EEF1D: variants seen among roughly 807,000 people sequenced by gnomAD.
The protein encoded by EEF1D is elongation factor 1-delta.
EEF1D carries 47 observed loss-of-function variants against 63.9 expected under a neutral mutation model. The observed-to-expected ratio is 0.74, with a 90% confidence interval of 0.58 to 0.94. The LOEUF is 0.94. EEF1D is among the 40% of genes least tolerant of loss of function. EEF1D has a pLI of 0.00. For synonymous variants in EEF1D, 412 were observed against 386.1 expected, an observed-to-expected ratio of 1.07 and a Z score of -0.79; for missense variants, 907 against 899.0, an observed-to-expected ratio of 1.01 and a Z score of -0.11.
At chr8:143,587,837 G>A (rs928529225) in intron 3 of EEF1D, among the ~76,000 whole-genome samples, 11 of 152,242 alleles carry the variant, frequency 7.2e-5, no homozygotes, top group Non-Finnish European at 1.3e-4. Flanking sequence ...AGATGACTCT[G>A]TGGCCGGGGC....
chr8:143,597,334 G>T lies in EEF1D; in HGVS notation c.-15+14C>A, dbSNP rs1364389099. 6.6e-6 allele frequency: 1 copy of T among 152,188 alleles called. No homozygotes were observed. Among genetic ancestry groups the T allele is most frequent in the Admixed American group, 6.5e-5 (1 of 15,286 alleles). 9.4% of individuals were successfully genotyped at this position (152,188 alleles called of 1,614,324 possible). On this transcript the variant is annotated intron_variant, in intron 1 of 9. Coordinates refer to ENST00000618139, the MANE Select transcript of EEF1D (RefSeq NM_001130053.5). ...TCGCGCCCGACTCCTTCCGGCGGGGGCCGCGGTACTCACACGCCAGCCAAG... is the reference window on the plus strand; with the variant it reads ...TCGCGCCCGACTCCTTCCGGCGGGGTCCGCGGTACTCACACGCCAGCCAAG...
Position 143,589,736 on chromosome 8 carries a change from A to T in EEF1D, c.346T>A (p.Ser116Thr). The T allele has an allele frequency of 6.6e-7, 1 of 1,524,320 alleles. No individual in the cohort carries two copies. Among genetic ancestry groups the T allele is most frequent in the South Asian group, 1.3e-5 (1 of 77,402 alleles). The allele number at this position is 1,524,320 out of a possible 1,614,324, so 94.4% of individuals were successfully genotyped here. ...LSAERVWLDK[S>T]LFDQAESSYR... is the part of the protein sequence containing the mutation. Reference sequence around the variant, plus strand: ...GAGCTCTCTGCCTGGTCGAAAAGTGACTTGTCCAGCCACACGCGTTCGGCC... The same window carrying T: ...GAGCTCTCTGCCTGGTCGAAAAGTGTCTTGTCCAGCCACACGCGTTCGGCC... The change falls in exon 3 of 10, where the codon TCA (serine) becomes ACA (threonine). Residue 116 changes from serine (S) to threonine (T), a missense_variant. Ser to Thr is a moderately conservative substitution (Grantham distance 58, BLOSUM62 1). Coordinates refer to ENST00000618139, the MANE Select transcript of EEF1D (RefSeq NM_001130053.5).
intron 1 of EEF1D, among the ~76,000 whole-genome samples, chr8:143,595,769 CCT>C (rs1262856656): frequency 6.6e-6 from 1 of 152,228 alleles, no homozygotes; most frequent in Admixed American, 6.5e-5. Flanking sequence ...CGGCGCAGCC[CCT>C]GTGCCTCCTG....
intron 4 of EEF1D, 53 bp downstream of exon 4, chr8:143,586,676 G>T (rs549810093): frequency 6.3e-7 from 1 of 1,597,226 alleles, no homozygotes; most frequent in African/African-American, 1.3e-5. Context: ...GTGTGCCCCG[G>T]CCACTCCTGT....
In EEF1D at chr8:143,586,863, A is replaced by G; in HGVS notation, c.1092-11T>C. The G allele has an allele frequency of 6.2e-7, 1 of 1,613,156 alleles. No individual in the cohort carries two copies. The highest frequency in any genetic ancestry group is 8.5e-7 in the Non-Finnish European group (1 of 1,179,216). ...GTAGCCATTTTTCTGCTGGGAGGGG[A>G]AAGAGGCAAAGTCAGCATGGCTGGG... On this transcript the variant is annotated splice_polypyrimidine_tract_variant and intron_variant, in intron 3 of 9. Coordinates refer to ENST00000618139, the MANE Select transcript of EEF1D (RefSeq NM_001130053.5).
Position 143,589,445 on chromosome 8 carries a change from T to C in EEF1D, c.637A>G (p.Ser213Gly). The C allele has an allele frequency of 6.5e-7, 1 of 1,530,086 alleles. No individual in the cohort carries two copies. Among genetic ancestry groups the C allele is most frequent in the East Asian group, 2.4e-5 (1 of 41,466 alleles). The allele number at this position is 1,530,086 out of a possible 1,614,324, so 94.8% of individuals were successfully genotyped here. A position where few individuals can be genotyped will look rare whatever the true frequency, so the allele number is the denominator to read the frequency against. Reference sequence around the variant, plus strand: ...GGGGGCTGGCCATTGACCGGTGGGCTGGGCTGGTGGGCCAGGTCGGGGACG... The same window carrying C: ...GGGGGCTGGCCATTGACCGGTGGGCCGGGCTGGTGGGCCAGGTCGGGGACG... ...VAVPDLAHQP[S>G]PPVNGQPPLG... is the part of the protein sequence containing the mutation. Residue 213 changes from serine (S) to glycine (G), a missense_variant, in exon 3 of 10, where the codon AGC becomes GGC. Transcript: ENST00000618139.
intron 7 of EEF1D, 148 bp from the exon 8 acceptor site, chr8:143,580,875 G>C: frequency 8.6e-7 from 1 of 1,165,084 alleles, no homozygotes; most frequent in East Asian, 2.4e-5. Context: ...AGGGCCCCAG[G>C]AAAGACAAAA....
intron 2 of EEF1D, among the ~76,000 whole-genome samples, chr8:143,591,374 G>A (rs765284489): frequency 3.9e-5 from 6 of 152,184 alleles, no homozygotes; most frequent in African/African-American, 1.2e-4. Context: ...GGATCCTGCC[G>A]GGGGCACGCT....
At chr8:143,591,487 G>A (rs1272537403) in intron 2 of EEF1D, among the ~76,000 whole-genome samples, 1 of 152,214 alleles carries the variant, frequency 6.6e-6, no homozygotes, top group Non-Finnish European at 1.5e-5. Flanking sequence ...CCCGCGCTCA[G>A]CCTGCGATAG....
intron 4 of EEF1D, 33 bp downstream of exon 4, chr8:143,586,696 G>GAGCCGCCC: frequency 6.2e-7 from 1 of 1,606,074 alleles, no homozygotes; most frequent in Non-Finnish European, 8.5e-7. Context: ...TCGGGCAGCA[G>GAGCCGCCC]AGCCGCCCAG....
intron 2 of EEF1D, chr8:143,592,155 G>A: frequency 4.1e-6 from 4 of 985,504 alleles, no homozygotes; most frequent in Non-Finnish European, 4.8e-6. Context: ...AAGAGCCCAG[G>A]AGACAGGGCA....
chr8:143,581,211 A>C lies in EEF1D; in HGVS notation c.1387+18T>G. The stretch of plus-strand genomic sequence containing the variant: ...CAGGGGCCAGGGACAGCCCCAACCC[A>C]CTGGCCCGGGGCCTCACCGCCACGC... On this transcript the variant is annotated intron_variant, in intron 6 of 9. Transcript: ENST00000618139. 1 of 1,612,696 alleles carries C rather than the reference A, an allele frequency of 6.2e-7. No homozygotes were observed. Among genetic ancestry groups the C allele is most frequent in the South Asian group, 1.1e-5 (1 of 91,078 alleles).
rs1827512930 is a variant in EEF1D, at chr8:143,589,623, C to T, written c.459G>A (p.Gln153=). The T allele has an allele frequency of 6.5e-7, 1 of 1,536,764 alleles. No homozygotes were observed. Among genetic ancestry groups the T allele is most frequent in the Admixed American group, 2.1e-5 (1 of 47,838 alleles). The change falls in exon 3 of 10, where the codon CAG becomes CAA. Residue 153 remains glutamine (Q), a synonymous_variant. Transcript: ENST00000618139. ...CCCAGGTCACGTGGTGGCAGGCCAC[C>T]TGGTTTCCATGGGTGCAGAGACCCC... ...APWGLCTHGN[Q]VACHHVTWGI... is the part of the protein sequence containing the mutation.
At chr8:143,580,264 A>G in intron 8 of EEF1D, 58 bp from the exon 9 acceptor site, 3 of 1,525,784 alleles carry the variant, frequency 2.0e-6, no homozygotes, top group Non-Finnish European at 2.7e-6. Flanking sequence ...CCCAGGAAGT[A>G]CCTGCATGCA....
In EEF1D at chr8:143,589,005, G is replaced by A. The variant is rs1827275737; in HGVS notation, c.1077C>T (p.Ser359=). 1 of 1,597,368 alleles carries A rather than the reference G, an allele frequency of 6.3e-7. No homozygotes were observed. The highest frequency in any genetic ancestry group is 2.2e-5 in the East Asian group (1 of 44,756). Residue 359 remains serine, a synonymous_variant, in exon 3 of 10, where the codon TCC becomes TCT. Coordinates refer to ENST00000618139, the MANE Select transcript of EEF1D (RefSeq NM_001130053.5). ...RPGPRSGLSV[S]SLRPNRKMAT... is the part of the protein sequence containing the mutation. ...GTTTCTCCTACTTGGGTCTCAGGCT[G>A]GACACGGACAGGCCAGACCGAGGAC... is the stretch of plus-strand genomic sequence containing the variant.
rs141347748 is a variant in EEF1D at position 143,580,994 on chromosome 8, C to T, written c.1488+60G>A. 3.3e-4 allele frequency: 519 copies of T among 1,561,672 alleles called. 2 individuals carry two copies. Among genetic ancestry groups the T allele is most frequent in the Middle Eastern group, 2.8e-3 (12 of 4,342 alleles). On this transcript the variant is annotated intron_variant, in intron 7 of 9. Coordinates refer to ENST00000618139, the MANE Select transcript of EEF1D (RefSeq NM_001130053.5). ...CTGCTGGGGCCAGCCCACAGGGCGA[C>T]GTGGAAGCCAGCAGGGCCACGTGGT...
At chr8:143,592,141 G>A (rs1828076220) in intron 2 of EEF1D, 2 of 985,406 alleles carry the variant, frequency 2.0e-6, no homozygotes, top group Non-Finnish European at 2.4e-6. Context: ...GGTGGGGTGG[G>A]AGCAAGAGCC....
chr8:143,585,569 G>A (rs1826420547), intron 5 of EEF1D, among the ~76,000 whole-genome samples: 1 of 152,232 alleles, frequency 6.6e-6, no homozygotes, highest in African/African-American at 2.4e-5. Flanking sequence ...CCCCGTTCTT[G>A]GGGCCAGGAC....
chr8:143,589,280 C>A lies in EEF1D; in HGVS notation c.802G>T (p.Ala268Ser). ...CTGCGGCCCCGCCGGGCACCCTCGGCCAGGCCGGCTCGCTCTTGCAGGCGC... is the reference window on the plus strand; with the variant it reads ...CTGCGGCCCCGCCGGGCACCCTCGGACAGGCCGGCTCGCTCTTGCAGGCGC... ...KVRLQERAGL[A>S]EGARRGRRDR... Residue 268 changes from alanine (A) to serine (S), a missense_variant, in exon 3 of 10, where the codon GCC becomes TCC. Ala to Ser is a moderately conservative substitution (Grantham distance 99). Transcript: ENST00000618139. The A allele has an allele frequency of 6.3e-7, 1 of 1,587,730 alleles. No homozygotes were observed. Among genetic ancestry groups the A allele is most frequent in the Non-Finnish European group, 8.6e-7 (1 of 1,166,338 alleles).
Sources: allele counts gnomAD v4.1 joint callset (sites outside exome capture counted in the v4.1 genomes callset), GRCh38; gene constraint gnomAD v4.1.1; transcripts MANE v1.5; gene names NCBI Gene and HGNC (gene_info 2026-07-23, HGNC 2026-07-21).